The following ATP9B variants were observed in gnomAD, a reference collection of about 807,000 sequenced individuals.
The protein encoded by ATP9B is ATPase phospholipid transporting 9B, also known as probable phospholipid-transporting ATPase IIB.
In ATP9B, 110 loss-of-function variants were observed where a neutral mutation model predicts 146.1. That is an observed-to-expected ratio of 0.75 (90% CI 0.65 to 0.88). The LOEUF is 0.88. ATP9B is among the 40% of genes least tolerant of loss of function. The probability of loss-of-function intolerance (pLI) is 0.00; values close to 1 mark genes in which losing one functional copy is unlikely to be tolerated. For synonymous variants in ATP9B, 604 were observed against 569.7 expected, an observed-to-expected ratio of 1.06 and a Z score of -0.86; for missense variants, 1,499 against 1,496.4, an observed-to-expected ratio of 1.00 and a Z score of -0.03.
chr18:79,267,277 C>G (rs2096212913), intron 12 of ATP9B, among the ~76,000 whole-genome samples: 1 of 151,986 alleles, frequency 6.6e-6, no homozygotes, highest in South Asian at 2.1e-4. Context: ...ATTCTTCATA[C>G]TTGTTATTTC....
rs555163172 is a variant in ATP9B at position 79,136,518 on chromosome 18, A to C, written c.668-7284A>C. On this transcript the variant is annotated intron_variant, in intron 5 of 29. Transcript: ENST00000426216. ...GTTGCATTAAATATGGAAAGTGTTT[A>C]GCCTTTATTTCTTCAAATATTTTTT... Among the ~76,000 whole-genome samples the C allele has an allele frequency of 3.9e-5, 6 of 152,288 alleles. No homozygotes were observed. In the South Asian group the frequency reaches 1.0e-3, roughly 26 times the overall value.
intron 6 of ATP9B, among the ~76,000 whole-genome samples, chr18:79,152,816 T>C (rs747753688): frequency 2.4e-4 from 37 of 152,222 alleles, no homozygotes; most frequent in Non-Finnish European, 4.1e-4. Flanking sequence ...ATTTCCTCAC[T>C]GATTGGCAGT....
intron 6 of ATP9B, among the ~76,000 whole-genome samples, chr18:79,147,449 C>A (rs541588834): frequency 4.6e-5 from 7 of 152,250 alleles, no homozygotes; most frequent in Non-Finnish European, 8.8e-5. Context: ...GTACCATAAA[C>A]CTCAACAAAT....
intron 15 of ATP9B, among the ~76,000 whole-genome samples, chr18:79,314,543 C>T (rs768669554): frequency 1.3e-5 from 2 of 152,042 alleles, no homozygotes; most frequent in African/African-American, 2.4e-5. Flanking sequence ...TGTGGTGATA[C>T]GATACTTGAA....
At chr18:79,302,114 A>G (rs1444942681) in intron 13 of ATP9B, among the ~76,000 whole-genome samples, 1 of 152,198 alleles carries the variant, frequency 6.6e-6, no homozygotes, top group African/African-American at 2.4e-5. Flanking sequence ...ATTTTTATGG[A>G]TATTTTGCAA....
At chr18:79,304,377 T>C (rs1288031027) in intron 14 of ATP9B, among the ~76,000 whole-genome samples, 1 of 152,120 alleles carries the variant, frequency 6.6e-6, no homozygotes, top group East Asian at 1.9e-4. Flanking sequence ...TCAAAATGCT[T>C]AGGACCAGAA....
chr18:79,260,046 G>C (rs1171318123), intron 12 of ATP9B, among the ~76,000 whole-genome samples: 1 of 152,184 alleles, frequency 6.6e-6, no homozygotes, highest in African/African-American at 2.4e-5. Flanking sequence ...CCAAGGGTGT[G>C]TCCAGGTGGC....
intron 7 of ATP9B, among the ~76,000 whole-genome samples, chr18:79,163,418 G>A (rs2094913226): frequency 6.6e-6 from 1 of 152,150 alleles, no homozygotes; most frequent in South Asian, 2.1e-4. Flanking sequence ...TGAGACTCCA[G>A]AGATTCTCAC....
intron 9 of ATP9B, among the ~76,000 whole-genome samples, chr18:79,203,842 C>CT (rs1371297828): frequency 6.6e-6 from 1 of 152,116 alleles, no homozygotes; most frequent in African/African-American, 2.4e-5. Flanking sequence ...ATGAGGATGT[C>CT]TATCTTTTTT....
intron 8 of ATP9B, among the ~76,000 whole-genome samples, chr18:79,178,289 C>T (rs1054634996): frequency 5.9e-5 from 9 of 152,144 alleles, no homozygotes; most frequent in Non-Finnish European, 7.3e-5. Flanking sequence ...TGTGTCCTTG[C>T]CGCCTTCAAT....
chr18:79,209,892 C>T (rs2095568033), intron 10 of ATP9B, among the ~76,000 whole-genome samples: 1 of 152,226 alleles, frequency 6.6e-6, no homozygotes, highest in East Asian at 1.9e-4. Context: ...TTAAGATTTC[C>T]AGAGTAACCT....
intron 4 of ATP9B, among the ~76,000 whole-genome samples, chr18:79,114,835 G>T (rs1031922273): frequency 6.6e-6 from 1 of 152,058 alleles, no homozygotes; most frequent in African/African-American, 2.4e-5. Context: ...TGCCTTTTTG[G>T]AGGGTCATTG....
chr18:79,173,681 G>C (rs747360978), intron 7 of ATP9B: 3 of 455,934 alleles, frequency 6.6e-6, no homozygotes, highest in South Asian at 1.5e-5. Flanking sequence ...CCATTGATCT[G>C]TGTTTCTGTT....
intron 2 of ATP9B, among the ~76,000 whole-genome samples, chr18:79,108,763 G>A (rs149535461): frequency 1.3e-4 from 20 of 152,196 alleles, no homozygotes; most frequent in Non-Finnish European, 2.9e-4. Context: ...TCAGTGTGAG[G>A]ATCTTCCCAG....
At chr18:79,282,214 A>G (rs191271167) in intron 13 of ATP9B, among the ~76,000 whole-genome samples, 24 of 152,346 alleles carry the variant, frequency 1.6e-4, no homozygotes, top group Non-Finnish European at 2.9e-4. Context: ...AGAAGATGCT[A>G]TGAATGTTGT....
At chr18:79,145,531 T>C (rs1599880699) in intron 6 of ATP9B, 2 of 87,194 alleles carry the variant, frequency 2.3e-5, no homozygotes, top group East Asian at 4.4e-4. Flanking sequence ...GCAGAGTGAC[T>C]GAAGGTGCAA....
rs536122117 is a variant in ATP9B, at chr18:79,175,197, CAAAAAAAAAAA to C, written c.779-1610_779-1600del. On this transcript the variant is annotated intron_variant, in intron 7 of 29. Transcript: ENST00000426216. ...GCCTGGCGACAGAGCGAGACTGTCTCAAAAAAAAAAAAAAAAGAAAAAAAAAAACATCAAAA... is the reference window on the plus strand; with the variant it reads ...GCCTGGCGACAGAGCGAGACTGTCTCAAAAAGAAAAAAAAAAACATCAAAA... Among the ~76,000 whole-genome samples the C allele has an allele frequency of 7.0e-5, 4 of 57,448 alleles. No homozygotes were observed. In the East Asian group the frequency reaches 1.7e-3, roughly 25 times the overall value. The allele number at this position is 57,448 out of a possible 152,430, so 37.7% of individuals were successfully genotyped here.
intron 6 of ATP9B, among the ~76,000 whole-genome samples, chr18:79,150,148 A>C (rs532851859): frequency 1.3e-5 from 2 of 152,340 alleles, no homozygotes; most frequent in Non-Finnish European, 2.9e-5. Flanking sequence ...GGAAATGCAA[A>C]TTAAAACACA....
At chr18:79,160,890 G>T (rs1436354907) in intron 7 of ATP9B, among the ~76,000 whole-genome samples, 4 of 152,138 alleles carry the variant, frequency 2.6e-5, no homozygotes, top group African/African-American at 7.2e-5. Flanking sequence ...TCCTGCCTCA[G>T]CCTCCTGAGT....
Sources: gnomAD v4.1 joint callset for allele counts (sites outside exome capture counted in the v4.1 genomes callset) on GRCh38, gnomAD v4.1.1 for gene constraint, MANE v1.5 for transcripts, NCBI Gene and HGNC (gene_info 2026-07-23, HGNC 2026-07-21) for gene names.